Variants in ZBTB44 observed in about 807,000 individuals in gnomAD.
ZBTB44 encodes the protein zinc finger and BTB domain-containing protein 44.
In ZBTB44, 15 loss-of-function variants were observed where a neutral mutation model predicts 54.0. That is an observed-to-expected ratio of 0.28 (90% CI 0.19 to 0.43). ZBTB44 has a LOEUF of 0.43. ZBTB44 is among the 20% of genes least tolerant of loss of function. The pLI, the probability that ZBTB44 is intolerant of heterozygous loss-of-function variation, is 1.00. For synonymous variants in ZBTB44, 230 were observed against 250.1 expected (o/e 0.92, Z 0.76); for missense variants, 487 against 707.1 (o/e 0.69, Z 3.53).
intron 1 of ZBTB44, among the ~76,000 whole-genome samples, chr11:130,313,311 A>T (rs1008853954): frequency 6.6e-6 from 1 of 152,200 alleles, no homozygotes; most frequent in African/African-American, 2.4e-5. Flanking sequence ...ACAAATGCAA[A>T]AATGCCAAGC....
intron 2 of ZBTB44, among the ~76,000 whole-genome samples, chr11:130,248,151 A>C (rs897251015): frequency 1.3e-5 from 2 of 152,238 alleles, no homozygotes; most frequent in Admixed American, 1.3e-4. Flanking sequence ...CAAATTAGTA[A>C]GTAAAATTAA....
chr11:130,277,615 A>G (rs1940200336), intron 1 of ZBTB44, among the ~76,000 whole-genome samples: 1 of 152,228 alleles, frequency 6.6e-6, no homozygotes, highest in South Asian at 2.1e-4. Context: ...ATACATATAA[A>G]ATAGCTTGCT....
Position 130,261,291 on chromosome 11 carries a change from G to A in ZBTB44, c.583C>T (p.Pro195Ser), listed in dbSNP as rs1209370092. 1.2e-6 allele frequency: 2 copies of A among 1,613,836 alleles called. No individual in the cohort carries two copies. Among genetic ancestry groups the A allele is most frequent in the Non-Finnish European group, 1.7e-6 (2 of 1,179,890 alleles). ...KSYIVMSPES[P>S]VKCGTQTSSP... Reference sequence around the variant, plus strand: ...CTTGTTTGTGTGCCACACTTTACAGGACTTTCAGGAGACATAACAATGTAG... The same window carrying A: ...CTTGTTTGTGTGCCACACTTTACAGAACTTTCAGGAGACATAACAATGTAG... Residue 195 changes from proline (P) to serine (S), a missense_variant, in exon 2 of 8, where the codon CCT (proline) becomes TCT (serine). Pro to Ser is a moderately conservative substitution (Grantham distance 74). Transcript: ENST00000357899. The surrounding 1 kb of genome is among the most constrained non-coding windows in gnomAD (Gnocchi z 4.8).
chr11:130,306,190 A>C (rs574884594), intron 1 of ZBTB44, among the ~76,000 whole-genome samples: 3 of 152,212 alleles, frequency 2.0e-5, no homozygotes, highest in Non-Finnish European at 4.4e-5. Context: ...TATGAAAAAC[A>C]GTATGGAGAT....
chr11:130,256,549 G>A (rs1268636085), intron 2 of ZBTB44, among the ~76,000 whole-genome samples: 6 of 152,010 alleles, frequency 3.9e-5, no homozygotes, highest in Admixed American at 2.0e-4. Context: ...GGTGGCATGC[G>A]TCTGTAGTCC....
chr11:130,270,480 C>G (rs1438468783), intron 1 of ZBTB44, among the ~76,000 whole-genome samples: 3 of 152,186 alleles, frequency 2.0e-5, no homozygotes, highest in African/African-American at 7.2e-5. Flanking sequence ...CCTGATTTTA[C>G]AGATGAGGAA....
Position 130,230,128 on chromosome 11 carries a change from G to C in ZBTB44, c.*1636C>G, listed in dbSNP as rs945204718. ...ATTATACAGTAATGTATTTTTCAAG[G>C]ACTATTAAAGCTAAAAGGGACTAAA... On this transcript the variant is annotated 3_prime_UTR_variant, in exon 8 of 8. Transcript: ENST00000357899. 1 of 151,918 alleles carries C rather than the reference G, an allele frequency of 6.6e-6. No homozygotes were observed. Among genetic ancestry groups the C allele is most frequent in the Non-Finnish European group, 1.5e-5 (1 of 67,908 alleles). The allele number at this position is 151,918 out of a possible 1,614,324, so 9.4% of individuals were successfully genotyped here. A position where few individuals can be genotyped will look rare whatever the true frequency, so the allele number is the denominator to read the frequency against.
At position 130,249,689 on chromosome 11, in the gene ZBTB44, G is replaced by T. The variant is rs188184061; in HGVS notation, c.1019-9793C>A. Among the ~76,000 whole-genome samples the T allele has an allele frequency of 1.1e-3, 174 of 152,350 alleles. 2 individuals are homozygous for T. Among genetic ancestry groups the T allele is most frequent in the Non-Finnish European group, 1.2e-4 (8 of 68,030 alleles). ...GCGTTACCTCACCCAGGAAGTGCAA[G>T]GAGCCAAGGAAAGCAGTGAGGGACT... On this transcript the variant is annotated intron_variant, in intron 2 of 7. Transcript: ENST00000357899.
chr11:130,295,258 T>C (rs533892009), intron 1 of ZBTB44, among the ~76,000 whole-genome samples: 18 of 152,278 alleles, frequency 1.2e-4, no homozygotes, highest in African/African-American at 3.6e-4. Flanking sequence ...ATTCTATGAA[T>C]GTGGGCTTAT....
chr11:130,255,825 C>T (rs1938386099), intron 2 of ZBTB44, among the ~76,000 whole-genome samples: 1 of 151,306 alleles, frequency 6.6e-6, no homozygotes, highest in Non-Finnish European at 1.5e-5. Flanking sequence ...TATACACCCT[C>T]CCAAGACTAA....
intron 1 of ZBTB44, chr11:130,296,030 AGT>A (rs764109257): frequency 7.6e-6 from 12 of 1,577,976 alleles, no homozygotes; most frequent in Non-Finnish European, 1.0e-5. Context: ...AAAAACCTGC[AGT>A]GTCTGGTTAT....
chr11:130,297,217 T>C (rs1417126317), intron 1 of ZBTB44, among the ~76,000 whole-genome samples: 3 of 152,210 alleles, frequency 2.0e-5, no homozygotes, highest in East Asian at 1.9e-4. Context: ...TCAAGTCTCT[T>C]TTTATTTTTG....
intron 1 of ZBTB44, among the ~76,000 whole-genome samples, chr11:130,309,181 C>A (rs931627159): frequency 1.3e-5 from 2 of 152,248 alleles, no homozygotes; most frequent in Non-Finnish European, 2.9e-5. Context: ...CAGCTTCTCT[C>A]TTGCTGATCT....
chr11:130,237,220 A>C, intron 4 of ZBTB44, 127 bp from the exon 5 acceptor site: 1 of 947,318 alleles, frequency 1.1e-6, no homozygotes, highest in East Asian at 3.2e-5. Context: ...ACCAGCAAAA[A>C]CATATTCTAA....
At chr11:130,291,185 G>A (rs1490294641) in intron 1 of ZBTB44, among the ~76,000 whole-genome samples, 2 of 151,918 alleles carry the variant, frequency 1.3e-5, no homozygotes, top group African/African-American at 4.8e-5. Flanking sequence ...AGGCTGGAGT[G>A]CAGTGGTGCA....
At chr11:130,313,034 C>T (rs1482988842) in intron 1 of ZBTB44, among the ~76,000 whole-genome samples, 1 of 152,008 alleles carries the variant, frequency 6.6e-6, no homozygotes, top group Non-Finnish European at 1.5e-5. Context: ...GCATGAATAA[C>T]CGATCACAAT....
intron 1 of ZBTB44, chr11:130,295,574 T>C: frequency 2.8e-6 from 2 of 702,752 alleles, no homozygotes; most frequent in Non-Finnish European, 5.2e-6. Context: ...CACAGGAGCA[T>C]TTGAGGATAC....
At chr11:130,263,969 C>T (rs967185402) in intron 1 of ZBTB44, among the ~76,000 whole-genome samples, 1 of 152,164 alleles carries the variant, frequency 6.6e-6, no homozygotes, top group Admixed American at 6.5e-5. Flanking sequence ...AGACGTATGC[C>T]TACTATCTCC....
intron 5 of ZBTB44, among the ~76,000 whole-genome samples, chr11:130,235,231 CTATGT>C (rs760363290): frequency 7.2e-5 from 11 of 152,112 alleles, no homozygotes; most frequent in South Asian, 4.1e-4. Flanking sequence ...TTAGAATGCC[CTATGT>C]TATATTTTCT....
Sources: gnomAD v4.1 joint callset for allele counts (sites outside exome capture counted in the v4.1 genomes callset) on GRCh38, gnomAD v4.1.1 for gene constraint, Gnocchi (gnomAD v3.1) non-coding constraint, MANE v1.5 for transcripts, NCBI Gene and HGNC (gene_info 2026-07-23, HGNC 2026-07-21) for gene names.